ST6GALNAC3: variants seen among roughly 807,000 people sequenced by gnomAD.
ST6GALNAC3 encodes the protein alpha-N-acetylgalactosaminide alpha-2,6-sialyltransferase 3.
In ST6GALNAC3, 25 loss-of-function variants were observed where a neutral mutation model predicts 32.7. The observed-to-expected ratio is 0.76, with a 90% confidence interval of 0.56 to 1.07. The LOEUF (loss-of-function observed/expected upper bound fraction) is 1.07. ST6GALNAC3 is among the 50% of genes least tolerant of loss of function. The pLI, the probability that ST6GALNAC3 is intolerant of heterozygous loss-of-function variation, is 0.00. For missense variants in ST6GALNAC3, 355 were observed against 382.4 expected, an observed-to-expected ratio of 0.93 and a Z score of 0.60; for synonymous variants, 129 against 133.1, an observed-to-expected ratio of 0.97 and a Z score of 0.21.
chr1:76,541,288 C>A (rs953724270), intron 3 of ST6GALNAC3, among the ~76,000 whole-genome samples: 1 of 152,018 alleles, frequency 6.6e-6, no homozygotes, highest in Non-Finnish European at 1.5e-5. Context: ...GAGTATGGAA[C>A]GTGGATCCAA....
chr1:76,166,464 A>G (rs2100399673), intron 1 of ST6GALNAC3, among the ~76,000 whole-genome samples: 1 of 152,150 alleles, frequency 6.6e-6, no homozygotes, highest in Non-Finnish European at 1.5e-5. Context: ...TTTGCTTAAG[A>G]TTGCCTTGAC....
At chr1:76,244,930 A>AT (rs1464096888) in intron 1 of ST6GALNAC3, among the ~76,000 whole-genome samples, 4 of 148,126 alleles carry the variant, frequency 2.7e-5, no homozygotes, top group Non-Finnish European at 4.6e-5. Flanking sequence ...TCTGCCAGAC[A>AT]CAGGATGCTG....
At chr1:76,545,540 T>A (rs142909127) in intron 3 of ST6GALNAC3, among the ~76,000 whole-genome samples, 1 of 152,284 alleles carries the variant, frequency 6.6e-6, no homozygotes, top group Non-Finnish European at 1.5e-5. Context: ...TACTTATAGC[T>A]GTTATAATTA....
chr1:76,379,061 C>G (rs1651496428), intron 2 of ST6GALNAC3, among the ~76,000 whole-genome samples: 1 of 152,104 alleles, frequency 6.6e-6, no homozygotes. Flanking sequence ...CCACGGCCGG[C>G]TAATTTTTTG....
chr1:76,348,992 T>C (rs1035868547), intron 2 of ST6GALNAC3, among the ~76,000 whole-genome samples: 10 of 152,158 alleles, frequency 6.6e-5, no homozygotes, highest in African/African-American at 2.2e-4. Flanking sequence ...TAAATGTACA[T>C]AGTAAAGAAT....
intron 1 of ST6GALNAC3, among the ~76,000 whole-genome samples, chr1:76,160,339 C>T (rs1221236344): frequency 6.6e-6 from 1 of 152,044 alleles, no homozygotes; most frequent in Non-Finnish European, 1.5e-5. Context: ...CAAAAGGGTT[C>T]CTGTAGTAGC....
chr1:76,515,782 T>C (rs1662137646), intron 3 of ST6GALNAC3, among the ~76,000 whole-genome samples: 1 of 152,234 alleles, frequency 6.6e-6, no homozygotes, highest in Non-Finnish European at 1.5e-5. Flanking sequence ...ATACTTGATA[T>C]GATCTCTATG....
At chr1:76,563,245 G>C (rs140026352) in intron 3 of ST6GALNAC3, among the ~76,000 whole-genome samples, 333 of 152,320 alleles carry the variant, frequency 2.2e-3, no homozygotes, top group African/African-American at 7.6e-3. Flanking sequence ...CAGAGACCCG[G>C]GGAAGGGGAG....
At chr1:76,097,768 C>A (rs1236141953) in intron 1 of ST6GALNAC3, among the ~76,000 whole-genome samples, 1 of 152,104 alleles carries the variant, frequency 6.6e-6, no homozygotes, top group East Asian at 1.9e-4. Context: ...TGAGATATTT[C>A]CAGTTTTTAG....
chr1:76,331,530 A>C (rs1384228575), intron 2 of ST6GALNAC3, among the ~76,000 whole-genome samples: 2 of 152,168 alleles, frequency 1.3e-5, no homozygotes, highest in Non-Finnish European at 2.9e-5. Context: ...TCATTGCCTA[A>C]GTGCTCTGCA....
intron 1 of ST6GALNAC3, among the ~76,000 whole-genome samples, chr1:76,179,610 G>A (rs1301925095): frequency 6.6e-6 from 1 of 152,192 alleles, no homozygotes; most frequent in Non-Finnish European, 1.5e-5. Context: ...GTCTCTTAGA[G>A]TGAAAACCAA....
At chr1:76,592,142 CTTTA>C (rs1647057909) in intron 3 of ST6GALNAC3, among the ~76,000 whole-genome samples, 1 of 152,036 alleles carries the variant, frequency 6.6e-6, no homozygotes, top group Admixed American at 6.6e-5. Flanking sequence ...ATCAGCTTTG[CTTTA>C]TAGAAAACTC....
At chr1:76,379,679 A>G (rs776776178) in intron 2 of ST6GALNAC3, among the ~76,000 whole-genome samples, 6 of 152,174 alleles carry the variant, frequency 3.9e-5, no homozygotes, top group South Asian at 4.1e-4. Flanking sequence ...GGCCTCTCCC[A>G]GAAAGTGGTC....
At chr1:76,151,973 G>A (rs549869502) in intron 1 of ST6GALNAC3, among the ~76,000 whole-genome samples, 2 of 152,216 alleles carry the variant, frequency 1.3e-5, no homozygotes, top group African/African-American at 2.4e-5. Flanking sequence ...TTTCCACTTG[G>A]CTACTTAAGG....
chr1:76,334,491 A>G (rs766267081), intron 2 of ST6GALNAC3, among the ~76,000 whole-genome samples: 65 of 152,254 alleles, frequency 4.3e-4, no homozygotes, highest in Non-Finnish European at 9.0e-4. Flanking sequence ...GAAGATACAT[A>G]CACCCAACAA....
At chr1:76,258,038 TA>T (rs1347866955) in intron 1 of ST6GALNAC3, among the ~76,000 whole-genome samples, 5 of 152,182 alleles carry the variant, frequency 3.3e-5, no homozygotes, top group Non-Finnish European at 5.9e-5. Context: ...CTGTGACATT[TA>T]AGCTTTTGTG....
intron 3 of ST6GALNAC3, among the ~76,000 whole-genome samples, chr1:76,418,626 A>G (rs886653748): frequency 5.3e-5 from 8 of 152,102 alleles, no homozygotes; most frequent in Non-Finnish European, 8.8e-5. Flanking sequence ...TTCATTTTGA[A>G]GATGGTCTTT....
At chr1:76,104,000 C>A (rs1647354815) in intron 1 of ST6GALNAC3, among the ~76,000 whole-genome samples, 1 of 152,016 alleles carries the variant, frequency 6.6e-6, no homozygotes, top group African/African-American at 2.4e-5. Flanking sequence ...TTTGGGGCCA[C>A]CTTTTAGCCT....
rs538876709 is a variant in ST6GALNAC3, at chr1:76,588,297, G to A, written c.624-39155G>A. ...TAATGTAGCCATATCCAAATAAAGT[G>A]TATGATCCCTTCCCCACCTATCTCC... On this transcript the variant is annotated intron_variant, in intron 3 of 4. Transcript: ENST00000328299. Among the ~76,000 whole-genome samples, 3 of 151,970 alleles carry A rather than the reference G, an allele frequency of 2.0e-5. No homozygotes were observed. The South Asian group carries it at 6.2e-4, about 32-fold the overall frequency.
Sources: allele counts gnomAD v4.1 joint callset (sites outside exome capture counted in the v4.1 genomes callset), GRCh38; gene constraint gnomAD v4.1.1; transcripts MANE v1.5; gene names NCBI Gene and HGNC (gene_info 2026-07-23, HGNC 2026-07-21).